Variants in TCERG1L observed in about 807,000 individuals in gnomAD.
TCERG1L encodes transcription elongation regulator 1-like protein.
In TCERG1L, 37 loss-of-function variants were observed where a neutral mutation model predicts 56.3. The ratio of observed to expected loss-of-function variants is 0.66; its 90% CI spans 0.51 to 0.87. The LOEUF (loss-of-function observed/expected upper bound fraction) is 0.87, where lower values mean the gene tolerates loss of function less well. TCERG1L is among the 40% of genes least tolerant of loss of function. The pLI is 0.00. For synonymous variants in TCERG1L, 324 were observed against 326.3 expected (o/e 0.99, Z 0.08); for missense variants, 799 against 774.2 (o/e 1.03, Z -0.38).
chr10:131,217,286 C>A (rs1033277652), intron 4 of TCERG1L, among the ~76,000 whole-genome samples: 1 of 152,064 alleles, frequency 6.6e-6, no homozygotes, highest in Non-Finnish European at 1.5e-5. Flanking sequence ...CTGCTCCAGT[C>A]ATGTAGGACG....
chr10:131,309,096 G>A (rs1188963831), intron 2 of TCERG1L, 57 bp downstream of exon 2: 3 of 1,561,886 alleles, frequency 1.9e-6, no homozygotes, highest in South Asian at 2.4e-5. Flanking sequence ...TTATGTCGAT[G>A]TTCGACAACT....
intron 8 of TCERG1L, among the ~76,000 whole-genome samples, chr10:131,133,969 C>A (rs1358789765): frequency 6.6e-6 from 1 of 152,164 alleles, no homozygotes; most frequent in African/African-American, 2.4e-5. Flanking sequence ...GCTGACTTTG[C>A]CCAAAGTCAT....
intron 4 of TCERG1L, among the ~76,000 whole-genome samples, chr10:131,230,945 C>T (rs189231438): frequency 7.9e-5 from 12 of 151,970 alleles, no homozygotes; most frequent in South Asian, 4.1e-4. Flanking sequence ...TGATAGACTT[C>T]GTAATTGTTT....
chr10:131,186,788 A>G (rs2944462), intron 4 of TCERG1L, among the ~76,000 whole-genome samples: 121,403 of 152,116 alleles, frequency 0.8, 49,607 homozygotes, highest in South Asian at 0.93. Context: ...AAGCTGCCCC[A>G]GACATCTGTT....
rs1222506848 is a variant in TCERG1L at position 131,311,613 on chromosome 10, T to C, written c.23A>G (p.Gln8Arg). Residue 8 changes from glutamine to arginine, a missense_variant, in exon 1 of 12, where the codon CAG becomes CGG. By Grantham distance (43) the Gln-to-Arg change is conservative. Coordinates refer to ENST00000368642, the MANE Select transcript of TCERG1L (RefSeq NM_174937.4). This position sits in a 1 kb window ranked among gnomAD's most constrained non-coding sequence, Gnocchi z 4.0. The part of the protein sequence containing the change: MQAGARF[Q>R]RRRRQLQQQQ... ...CTGCTGCAGCTGCCGCCGCCGCCGC[T>C]GGAACCTGGCGCCCGCCTGCATCCT... is the stretch of plus-strand genomic sequence containing the variant. 2.6e-6 allele frequency: 3 copies of C among 1,136,992 alleles called. No homozygotes were observed. In the African/African-American group the frequency reaches 5.0e-5, roughly 19 times the overall value. 70.4% of individuals were successfully genotyped at this position (1,136,992 alleles called of 1,614,324 possible). A position where few individuals can be genotyped will look rare whatever the true frequency, so the allele number is the denominator to read the frequency against.
intron 4 of TCERG1L, among the ~76,000 whole-genome samples, chr10:131,209,653 G>A (rs1845594755): frequency 6.6e-6 from 1 of 152,056 alleles, no homozygotes; most frequent in Admixed American, 6.6e-5. Context: ...AATTCTATAG[G>A]ATCTGGAAAC....
At chr10:131,102,971 C>G (rs1209255745) in intron 10 of TCERG1L, among the ~76,000 whole-genome samples, 9 of 151,972 alleles carry the variant, frequency 5.9e-5, no homozygotes, top group Non-Finnish European at 1.3e-4. Context: ...AGGGCAGAGC[C>G]CTGGCAAGTC....
At chr10:131,201,393 T>G (rs1422296001) in intron 4 of TCERG1L, among the ~76,000 whole-genome samples, 1 of 152,166 alleles carries the variant, frequency 6.6e-6, no homozygotes, top group Non-Finnish European at 1.5e-5. Context: ...CCGCAGATTT[T>G]ACACAGACAC....
chr10:131,292,953 C>T (rs926632480), intron 3 of TCERG1L, among the ~76,000 whole-genome samples: 1 of 151,536 alleles, frequency 6.6e-6, no homozygotes, highest in African/African-American at 2.4e-5. Flanking sequence ...CAGGTTGAAG[C>T]GATTCTCCTG....
chr10:131,219,374 G>A (rs187330489), intron 4 of TCERG1L, among the ~76,000 whole-genome samples: 9 of 152,290 alleles, frequency 5.9e-5, no homozygotes, highest in African/African-American at 1.9e-4. Flanking sequence ...CTGGCTGGCC[G>A]ACCCCAGGAC....
At chr10:131,164,850 A>G (rs1210871920) in intron 5 of TCERG1L, among the ~76,000 whole-genome samples, 1 of 152,180 alleles carries the variant, frequency 6.6e-6, no homozygotes, top group Non-Finnish European at 1.5e-5. Flanking sequence ...AATGAAGTCA[A>G]TGCTCCAAAG....
intron 4 of TCERG1L, among the ~76,000 whole-genome samples, chr10:131,227,390 C>G (rs1045278106): frequency 2.6e-5 from 4 of 152,232 alleles, no homozygotes; most frequent in Non-Finnish European, 5.9e-5. Context: ...TGGACCAAGT[C>G]ATTGGCACAC....
In TCERG1L at chr10:131,308,257, G is replaced by A. The variant is rs775602159; in HGVS notation, c.624C>T (p.Ala208=). Residue 208 remains alanine, a synonymous_variant, in exon 3 of 12, where the codon GCC becomes GCT. Coordinates refer to ENST00000368642, the MANE Select transcript of TCERG1L (RefSeq NM_174937.4). The stretch of plus-strand genomic sequence containing the variant: ...ACACCACCGTGGGGAGCGGCCTGGA[G>A]GCAGGAGCCGGCCTGGACAGAGACA... ...VAVSLSRPAP[A]SRPLPTVVLA... The A allele has an allele frequency of 1.2e-6, 2 of 1,613,984 alleles. No homozygotes were observed. The highest frequency in any genetic ancestry group is 1.1e-5 in the South Asian group (1 of 91,062).
chr10:131,165,636 G>A (rs1163110485), intron 5 of TCERG1L, among the ~76,000 whole-genome samples: 8 of 152,140 alleles, frequency 5.3e-5, no homozygotes, highest in East Asian at 1.9e-4. Context: ...TCATTATGAA[G>A]TTCATTGAAC....
At chr10:131,160,624 C>G (rs1433381224) in intron 6 of TCERG1L, 1 of 152,206 alleles carries the variant, frequency 6.6e-6, no homozygotes, top group African/African-American at 2.4e-5. Flanking sequence ...CTACCTCCCA[C>G]GTGGGCCAAG....
At chr10:131,182,871 A>G (rs1353093301) in intron 4 of TCERG1L, among the ~76,000 whole-genome samples, 1 of 152,264 alleles carries the variant, frequency 6.6e-6, no homozygotes, top group Non-Finnish European at 1.5e-5. Flanking sequence ...TTATTTCTAA[A>G]GGAAAGTTAT....
chr10:131,237,471 G>A (rs559482003), intron 4 of TCERG1L, among the ~76,000 whole-genome samples: 1 of 152,326 alleles, frequency 6.6e-6, no homozygotes, highest in Admixed American at 6.5e-5. Flanking sequence ...CAGTAGGCAT[G>A]AGTGTTTACT....
chr10:131,130,058 T>A (rs1589723339), intron 8 of TCERG1L, among the ~76,000 whole-genome samples: 1 of 141,908 alleles, frequency 7.0e-6, no homozygotes. Context: ...AGGCTGCTGA[T>A]AAAGACATAT....
At chr10:131,280,791 G>A (rs1373793320) in intron 3 of TCERG1L, among the ~76,000 whole-genome samples, 3 of 152,088 alleles carry the variant, frequency 2.0e-5, no homozygotes, top group African/African-American at 7.2e-5. Flanking sequence ...TCTCAGAGAT[G>A]CACCCGACAG....
Sources: gnomAD v4.1 joint callset for allele counts (sites outside exome capture counted in the v4.1 genomes callset) on GRCh38, gnomAD v4.1.1 for gene constraint, Gnocchi (gnomAD v3.1) non-coding constraint, MANE v1.5 for transcripts, NCBI Gene and HGNC (gene_info 2026-07-23, HGNC 2026-07-21) for gene names.